The following KIAA0040 variants were observed in gnomAD, a reference collection of about 807,000 sequenced individuals.
The protein encoded by KIAA0040 is uncharacterized protein KIAA0040.
Under a neutral mutation model 7.2 loss-of-function variants are expected in KIAA0040, and 10 were observed. The ratio of observed to expected loss-of-function variants is 1.38; its 90% CI spans 0.85 to 2.34. The LOEUF (loss-of-function observed/expected upper bound fraction) is 2.34, where lower values mean the gene tolerates loss of function less well. KIAA0040 is among the 30% of genes most tolerant of loss of function. The pLI, the probability that KIAA0040 is intolerant of heterozygous loss-of-function variation, is 0.00. For missense variants in KIAA0040, 89 were observed against 108.2 expected (o/e 0.82, Z 0.79); for synonymous variants, 49 against 40.1 (o/e 1.22, Z -0.84).
At chr1:175,169,275 G>C (rs1439773719) in intron 2 of KIAA0040, among the ~76,000 whole-genome samples, 1 of 152,220 alleles carries the variant, frequency 6.6e-6, no homozygotes, top group African/African-American at 2.4e-5. Context: ...TGGCCAAAGA[G>C]GGGTTTACCT....
rs34859478 is a variant in KIAA0040 at position 175,176,669 on chromosome 1, CTTTTTTTTTTTTTT to C, written c.-310+928_-310+941del. 5.5e-4 allele frequency among the ~76,000 whole-genome samples: 15 copies of C among 27,470 alleles called. 1 individual carries two copies. The East Asian group carries it at 7.0e-3, about 13-fold the overall frequency. The allele number at this position is 27,470 out of a possible 152,430, so 18.0% of individuals were successfully genotyped here. A position where few individuals can be genotyped will look rare whatever the true frequency, so the allele number is the denominator to read the frequency against. ...ATCCAGTGTCAGGTTAAGTAGCATG[CTTTTTTTTTTTTTT>C]TTTTTTTTTTTTTTTTTGCTTCAGC... On this transcript the variant is annotated intron_variant, in intron 2 of 3. Transcript: ENST00000423313.
chr1:175,162,230 T>G (rs1216638428), intron 3 of KIAA0040, among the ~76,000 whole-genome samples: 1 of 152,172 alleles, frequency 6.6e-6, no homozygotes, highest in Admixed American at 6.5e-5. Flanking sequence ...TTAAGAGGCC[T>G]GTTGGTGTAA....
chr1:175,182,188 G>A (rs1677467072), intron 1 of KIAA0040, among the ~76,000 whole-genome samples: 1 of 152,164 alleles, frequency 6.6e-6, no homozygotes, highest in East Asian at 1.9e-4. Flanking sequence ...AGGACATTGG[G>A]GGCTACAATT....
chr1:175,171,093 T>C (rs1676974332), intron 2 of KIAA0040, among the ~76,000 whole-genome samples: 1 of 152,230 alleles, frequency 6.6e-6, no homozygotes, highest in Non-Finnish European at 1.5e-5. Flanking sequence ...CGTGATTGCT[T>C]CACAACATTT....
At chr1:175,183,394 G>A (rs963311047) in intron 1 of KIAA0040, among the ~76,000 whole-genome samples, 2 of 152,216 alleles carry the variant, frequency 1.3e-5, no homozygotes, top group African/African-American at 4.8e-5. Flanking sequence ...GCTATGCTAT[G>A]TCCATGGGCC....
chr1:175,180,251 G>A (rs952468527), intron 1 of KIAA0040, among the ~76,000 whole-genome samples: 7 of 152,170 alleles, frequency 4.6e-5, no homozygotes, highest in Non-Finnish European at 1.0e-4. Context: ...CTTTCTAGAT[G>A]GAATCTATTC....
chr1:175,184,066 T>C (rs1255150740), intron 1 of KIAA0040, among the ~76,000 whole-genome samples: 1 of 152,174 alleles, frequency 6.6e-6, no homozygotes, highest in Non-Finnish European at 1.5e-5. Context: ...AAAGAGGAGT[T>C]GCAGATGACT....
chr1:175,188,963 C>A (rs1464731171), intron 1 of KIAA0040, among the ~76,000 whole-genome samples: 1 of 152,152 alleles, frequency 6.6e-6, no homozygotes, highest in Admixed American at 6.5e-5. Context: ...TATTCCTGGG[C>A]AGAGGCAGAT....
intron 1 of KIAA0040, among the ~76,000 whole-genome samples, chr1:175,180,543 A>G (rs949256959): frequency 1.3e-5 from 2 of 152,190 alleles, no homozygotes; most frequent in African/African-American, 2.4e-5. Context: ...TGAAATGTCA[A>G]TATTTTGGGT....
At chr1:175,173,104 T>C (rs1440271693) in intron 2 of KIAA0040, among the ~76,000 whole-genome samples, 2 of 152,302 alleles carry the variant, frequency 1.3e-5, no homozygotes, top group East Asian at 1.9e-4. Flanking sequence ...TTTATTTCCA[T>C]TCACTCCCAG....
At position 175,158,491 on chromosome 1, in the gene KIAA0040, C is replaced by T. The variant is rs575158056; in HGVS notation, c.*2223G>A. On this transcript the variant is annotated 3_prime_UTR_variant, in exon 4 of 4. Transcript: ENST00000423313. ...GATCATATCTGACACTACGTCTCAG[C>T]TGTCAGCCTCCACCTCTCCCCAGCC... 2 of 152,306 alleles carry T rather than the reference C, an allele frequency of 1.3e-5. No individual in the cohort carries two copies. Among genetic ancestry groups the T allele is most frequent in the South Asian group, 4.2e-4 (2 of 4,814 alleles). The allele number at this position is 152,306 out of a possible 1,614,324, so 9.4% of individuals were successfully genotyped here.
In KIAA0040 at chr1:175,161,149, G is replaced by A; in HGVS notation, c.-133-3C>T. ...TTTGGGCATGCCACTGGCAGCACCT[G>A]AAGAGATTAAAACAGACAACTGAAG... On this transcript the variant is annotated splice_region_variant and splice_polypyrimidine_tract_variant and intron_variant, in intron 3 of 3. Coordinates refer to ENST00000423313, the MANE Select transcript of KIAA0040 (RefSeq NM_014656.3). 1.4e-6 allele frequency: 1 copy of A among 700,414 alleles called. No homozygotes were observed. The highest frequency in any genetic ancestry group is 3.0e-5 in the Admixed American group (1 of 33,166). The allele number at this position is 700,414 out of a possible 1,614,324, so 43.4% of individuals were successfully genotyped here.
chr1:175,175,311 C>A (rs1295183527), intron 2 of KIAA0040, among the ~76,000 whole-genome samples: 1 of 151,634 alleles, frequency 6.6e-6, no homozygotes. Flanking sequence ...AAATGCAAAT[C>A]AAAACCACAA....
rs1255119384 is a variant in KIAA0040, at chr1:175,157,859, CA to C, written c.*2854del. The C allele has an allele frequency of 1.3e-5, 2 of 152,270 alleles. No homozygotes were observed. Among genetic ancestry groups the C allele is most frequent in the Non-Finnish European group, 2.9e-5 (2 of 68,194 alleles). The allele number at this position is 152,270 out of a possible 1,614,324, so 9.4% of individuals were successfully genotyped here. On this transcript the variant is annotated 3_prime_UTR_variant, in exon 4 of 4. Transcript: ENST00000423313. ...TCTAGGAAGCCTCTTCTTTAGGAAT[CA>C]TTTTTTTGTCCCCCGTGAACTTACC... is the stretch of plus-strand genomic sequence containing the variant.
chr1:175,176,002 T>C (rs1333461647), intron 2 of KIAA0040, among the ~76,000 whole-genome samples: 3 of 152,232 alleles, frequency 2.0e-5, no homozygotes, highest in Non-Finnish European at 1.5e-5. Context: ...TGTGCACATG[T>C]ACCCTAGAAC....
intron 2 of KIAA0040, among the ~76,000 whole-genome samples, chr1:175,176,690 T>TTTTTTTC (rs1677209635): frequency 7.3e-6 from 1 of 136,712 alleles, no homozygotes; most frequent in African/African-American, 2.9e-5. Flanking sequence ...TTTTTTTTTT[T>TTTTTTTC]TTTTTTTTTT....
chr1:175,175,864 T>C (rs7556595), intron 2 of KIAA0040, among the ~76,000 whole-genome samples: 147,977 of 151,874 alleles, frequency 0.97, 72,103 homozygotes, highest in East Asian at 0.99. Context: ...CATCACACAC[T>C]GGGGCCCATC....
At chr1:175,176,945 A>AG (rs1346183963) in intron 2 of KIAA0040, among the ~76,000 whole-genome samples, 2 of 152,136 alleles carry the variant, frequency 1.3e-5, no homozygotes, top group Non-Finnish European at 2.9e-5. Flanking sequence ...TGGGGATTGC[A>AG]GGGGGGTATC....
chr1:175,176,084 C>G (rs1020196105), intron 2 of KIAA0040, among the ~76,000 whole-genome samples: 1 of 152,158 alleles, frequency 6.6e-6, no homozygotes, highest in Non-Finnish European at 1.5e-5. Context: ...GAGACAGGAA[C>G]TTAAGAGTTC....
Sources: gnomAD v4.1 joint callset for allele counts (sites outside exome capture counted in the v4.1 genomes callset) on GRCh38, gnomAD v4.1.1 for gene constraint, MANE v1.5 for transcripts, NCBI Gene and HGNC (gene_info 2026-07-23, HGNC 2026-07-21) for gene names.